The following SMYD3 variants were observed in gnomAD, a reference collection of about 807,000 sequenced individuals.
SMYD3 encodes SET and MYND domain containing 3.
SMYD3 carries 36 observed loss-of-function variants against 57.7 expected under a neutral mutation model. The observed-to-expected ratio is 0.62, with a 90% CI of 0.48 to 0.82. The LOEUF (loss-of-function observed/expected upper bound fraction) is 0.82, where lower values mean the gene tolerates loss of function less well. SMYD3 is among the 40% of genes least tolerant of loss of function. The probability of loss-of-function intolerance (pLI) is 0.00; values close to 1 mark genes in which losing one functional copy is unlikely to be tolerated. For synonymous variants in SMYD3, 211 were observed against 195.0 expected (o/e 1.08, Z -0.68); for missense variants, 515 against 538.8 (o/e 0.96, Z 0.44).
At chr1:246,427,316 C>G (rs929485805) in intron 1 of SMYD3, among the ~76,000 whole-genome samples, 3 of 151,522 alleles carry the variant, frequency 2.0e-5, no homozygotes, top group Non-Finnish European at 4.4e-5. Context: ...GTCAGGAGAT[C>G]GAGACCATCC....
intron 5 of SMYD3, among the ~76,000 whole-genome samples, chr1:245,996,191 A>C (rs2058928508): frequency 1.3e-5 from 2 of 152,224 alleles, no homozygotes; most frequent in South Asian, 4.1e-4. Context: ...TGCTCTAATG[A>C]AAAGAGCATT....
chr1:245,955,259 T>G (rs1466033255), intron 5 of SMYD3, among the ~76,000 whole-genome samples: 1 of 40 alleles, frequency 0.025, no homozygotes, highest in Admixed American at 0.5. Flanking sequence ...ACCTGGCTAA[T>G]TTTTTTTTGT....
chr1:245,872,315 C>T (rs1385490232), intron 8 of SMYD3, among the ~76,000 whole-genome samples: 2 of 150,124 alleles, frequency 1.3e-5, no homozygotes, highest in African/African-American at 4.8e-5. Flanking sequence ...GTCCAAGCAG[C>T]TGCTTGCATC....
intron 5 of SMYD3, among the ~76,000 whole-genome samples, chr1:246,058,407 A>T (rs2060190526): frequency 6.6e-6 from 1 of 152,208 alleles, no homozygotes; most frequent in Non-Finnish European, 1.5e-5. Flanking sequence ...TTTGCTCTTC[A>T]AAAATCATCT....
chr1:245,796,795 G>T (rs1236854298), intron 10 of SMYD3, among the ~76,000 whole-genome samples: 1 of 152,202 alleles, frequency 6.6e-6, no homozygotes, highest in Non-Finnish European at 1.5e-5. Context: ...AGGACAGCTA[G>T]ATCACTGCTC....
intron 5 of SMYD3, among the ~76,000 whole-genome samples, chr1:246,036,667 C>T (rs1413119268): frequency 2.0e-5 from 3 of 151,092 alleles, no homozygotes; most frequent in East Asian, 1.9e-4. Flanking sequence ...CATTCTCCTG[C>T]CTCAGCCTCC....
intron 9 of SMYD3, among the ~76,000 whole-genome samples, chr1:245,859,382 G>A (rs1449839523): frequency 6.6e-6 from 1 of 152,216 alleles, no homozygotes; most frequent in Admixed American, 6.5e-5. Context: ...GCTTTAAAAA[G>A]GATGGGGAGA....
intron 1 of SMYD3, among the ~76,000 whole-genome samples, chr1:246,394,099 T>A (rs1007197494): frequency 6.6e-6 from 1 of 152,236 alleles, no homozygotes; most frequent in African/African-American, 2.4e-5. Flanking sequence ...GTTATCCTTA[T>A]GTCCTTCAAG....
At chr1:245,768,382 T>C (rs2046203315) in intron 10 of SMYD3, among the ~76,000 whole-genome samples, 1 of 152,196 alleles carries the variant, frequency 6.6e-6, no homozygotes, top group South Asian at 2.1e-4. Context: ...GTCAGGGAAC[T>C]GGGATCTGAA....
At chr1:245,869,913 C>A (rs1305639944) in intron 8 of SMYD3, among the ~76,000 whole-genome samples, 3 of 152,190 alleles carry the variant, frequency 2.0e-5, no homozygotes, top group Non-Finnish European at 4.4e-5. Context: ...GAAACCTTCT[C>A]TGGTTCTGCC....
chr1:245,889,872 T>C (rs1024321134), intron 8 of SMYD3, among the ~76,000 whole-genome samples: 7 of 152,192 alleles, frequency 4.6e-5, no homozygotes, highest in Admixed American at 2.0e-4. Context: ...AACAGCATGG[T>C]ACTGGCATAA....
intron 5 of SMYD3, among the ~76,000 whole-genome samples, chr1:246,031,534 A>G (rs955180951): frequency 2.6e-5 from 4 of 152,114 alleles, no homozygotes; most frequent in African/African-American, 7.2e-5. Flanking sequence ...TCAGGAGATC[A>G]AAACCATCCT....
intron 10 of SMYD3, among the ~76,000 whole-genome samples, chr1:245,798,100 T>TAAA (rs111383177): frequency 0.21 from 32,398 of 151,592 alleles, 4,823 homozygotes; most frequent in African/African-American, 0.42. Flanking sequence ...TTTTTTTTTT[T>TAAA]AAAATATGCA....
At chr1:245,760,778 A>T (rs1470827397) in intron 11 of SMYD3, among the ~76,000 whole-genome samples, 1 of 151,956 alleles carries the variant, frequency 6.6e-6, no homozygotes, top group Non-Finnish European at 1.5e-5. Context: ...TCACCAGAGG[A>T]ACCACCGTGT....
chr1:246,083,181 T>G (rs990824180), intron 5 of SMYD3, among the ~76,000 whole-genome samples: 1 of 151,472 alleles, frequency 6.6e-6, no homozygotes, highest in Admixed American at 6.6e-5. Context: ...AAGGCATCTG[T>G]CTCCTGCTCG....
At position 246,249,248 on chromosome 1, in the gene SMYD3, C is replaced by T. The variant is rs182897325; in HGVS notation, c.531+77953G>A. ...CCTTCCAAGTAGCTGGGAGTACAGG[C>T]GCCTGCCACCACACCTGGCTAATTT... On this transcript the variant is annotated intron_variant, in intron 5 of 11. Coordinates refer to ENST00000490107, the MANE Select transcript of SMYD3 (RefSeq NM_001167740.2). Among the ~76,000 whole-genome samples, 369 of 152,058 alleles carry T rather than the reference C, an allele frequency of 2.4e-3. 1 individual carries two copies. Among genetic ancestry groups the T allele is most frequent in the African/African-American group, 8.1e-3 (337 of 41,472 alleles).
chr1:246,425,873 G>A (rs946816741), intron 1 of SMYD3: 4 of 152,066 alleles, frequency 2.6e-5, no homozygotes, highest in Non-Finnish European at 2.9e-5. Context: ...TTCTACTTTC[G>A]GGCCTTTCAG....
rs35432668 is a variant in SMYD3 at position 245,988,107 on chromosome 1, A to AACAC, written c.532-58174_532-58171dup. 2.2e-3 allele frequency among the ~76,000 whole-genome samples: 321 copies of AACAC among 148,792 alleles called. 2 individuals carry two copies. Among genetic ancestry groups the AACAC allele is most frequent in the African/African-American group, 4.8e-3 (195 of 40,494 alleles). On this transcript the variant is annotated intron_variant, in intron 5 of 11. Coordinates refer to ENST00000490107, the MANE Select transcript of SMYD3 (RefSeq NM_001167740.2). The stretch of plus-strand genomic sequence containing the variant: ...GTTATTAAACAGACAAACCAAACCA[A>AACAC]ACACACACACACACACACACACACA...
intron 1 of SMYD3, among the ~76,000 whole-genome samples, chr1:246,506,573 T>C (rs1285589520): frequency 6.6e-6 from 1 of 152,166 alleles, no homozygotes; most frequent in East Asian, 1.9e-4. Flanking sequence ...GACATCAAGA[T>C]TCTTCCACCT....
Sources: allele counts gnomAD v4.1 joint callset (sites outside exome capture counted in the v4.1 genomes callset), GRCh38; gene constraint gnomAD v4.1.1; transcripts MANE v1.5; gene names NCBI Gene and HGNC (gene_info 2026-07-23, HGNC 2026-07-21).